The following HPCAL1 variants were observed in gnomAD, a reference collection of about 807,000 sequenced individuals.
The protein encoded by HPCAL1 is hippocalcin-like protein 1.
In HPCAL1, 8 loss-of-function variants were observed where a neutral mutation model predicts 17.1. The observed-to-expected ratio is 0.47, with a 90% confidence interval of 0.27 to 0.84. The LOEUF is 0.84. HPCAL1 is among the 40% of genes least tolerant of loss of function. HPCAL1 has a pLI of 0.13. For missense variants in HPCAL1, 165 were observed against 271.1 expected, an observed-to-expected ratio of 0.61 and a Z score of 2.75; for synonymous variants, 112 against 111.4, an observed-to-expected ratio of 1.01 and a Z score of -0.03.
At chr2:10,374,849 T>C (rs1667450186) in intron 1 of HPCAL1, among the ~76,000 whole-genome samples, 1 of 152,260 alleles carries the variant, frequency 6.6e-6, no homozygotes, top group Admixed American at 6.5e-5. Context: ...TGTTGCTGTG[T>C]CCTCCACCAG....
At chr2:10,380,416 G>C (rs1667863297) in intron 1 of HPCAL1, among the ~76,000 whole-genome samples, 1 of 152,084 alleles carries the variant, frequency 6.6e-6, no homozygotes, top group Non-Finnish European at 1.5e-5. Context: ...TGTTGAATTG[G>C]GATTTTTCCA....
intron 2 of HPCAL1, among the ~76,000 whole-genome samples, chr2:10,414,800 G>T (rs1028501084): frequency 1.3e-5 from 2 of 152,170 alleles, no homozygotes; most frequent in African/African-American, 4.8e-5. Flanking sequence ...CCTTTCAGCT[G>T]AAAGGAGTGA....
rs138230391 is a variant in HPCAL1, at chr2:10,405,483, C to T, written c.-25+8563C>T. Among the ~76,000 whole-genome samples, 523 of 152,370 alleles carry T rather than the reference C, an allele frequency of 3.4e-3. 2 individuals carry two copies. Among genetic ancestry groups the T allele is most frequent in the African/African-American group, 0.011 (472 of 41,596 alleles). On this transcript the variant is annotated intron_variant, in intron 2 of 4. Transcript: ENST00000307845. ...AGGCACTCGACAGCAGAGTTGGCCCCGTAGTCTCAGTTTTGCTCCCGCTAG... is the reference window on the plus strand; with the variant it reads ...AGGCACTCGACAGCAGAGTTGGCCCTGTAGTCTCAGTTTTGCTCCCGCTAG...
In HPCAL1 at chr2:10,367,388, G is replaced by T. The variant is rs1666917723; in HGVS notation, c.-110-29447G>T. On this transcript the variant is annotated intron_variant, in intron 1 of 4. Transcript: ENST00000307845. The surrounding 1 kb of genome is among the most constrained non-coding windows in gnomAD (Gnocchi z 4.4). ...TGCAACCTCAAACTCCCAGGCTCAAGTGATCCTCCCACCTCAGCATCCTGA... is the reference window on the plus strand; with the variant it reads ...TGCAACCTCAAACTCCCAGGCTCAATTGATCCTCCCACCTCAGCATCCTGA... Among the ~76,000 whole-genome samples the T allele has an allele frequency of 6.6e-6, 1 of 151,642 alleles. No homozygotes were observed. The highest frequency in any genetic ancestry group is 6.6e-5 in the Admixed American group (1 of 15,216).
rs1438528233 is a variant in HPCAL1, at chr2:10,420,073, A to G, written c.316A>G (p.Ser106Gly). Reference sequence around the variant, plus strand: ...GGAGCAGAAGCTCAAGTGGGCCTTCAGCATGTACGACCTGGACGGCAACGG... The same window carrying G: ...GGAGCAGAAGCTCAAGTGGGCCTTCGGCATGTACGACCTGGACGGCAACGG... The part of the protein sequence containing the change: ...KLEQKLKWAF[S>G]MYDLDGNGYI... The change falls in exon 3 of 5, where the codon AGC becomes GGC. Residue 106 changes from serine (S) to glycine (G), a missense_variant. Transcript: ENST00000307845. 6.2e-7 allele frequency: 1 copy of G among 1,613,804 alleles called. No individual in the cohort carries two copies. Among genetic ancestry groups the G allele is most frequent in the Non-Finnish European group, 8.5e-7 (1 of 1,180,020 alleles).
intron 4 of HPCAL1, 49 bp from the exon 5 acceptor site, chr2:10,426,673 CAT>C: frequency 7.0e-7 from 1 of 1,423,802 alleles, no homozygotes; most frequent in Non-Finnish European, 9.9e-7. Flanking sequence ...TCTCTGGAAG[CAT>C]AAAGAACAGT....
intron 1 of HPCAL1, among the ~76,000 whole-genome samples, chr2:10,393,582 A>G (rs1424937653): frequency 1.3e-5 from 2 of 152,224 alleles, no homozygotes; most frequent in Non-Finnish European, 2.9e-5. Context: ...GTGGTGGGAC[A>G]GAGGAAAGAT....
intron 1 of HPCAL1, among the ~76,000 whole-genome samples, chr2:10,366,576 A>C (rs1272859080): frequency 6.6e-6 from 1 of 152,150 alleles, no homozygotes; most frequent in Non-Finnish European, 1.5e-5. Flanking sequence ...CTCCCAGATG[A>C]GGTTCACAGA....
At position 10,359,936 on chromosome 2, in the gene HPCAL1, C is replaced by T. The variant is rs1232723071; in HGVS notation, c.-110-36899C>T. Among the ~76,000 whole-genome samples, 1 of 152,148 alleles carries T rather than the reference C, an allele frequency of 6.6e-6. No homozygotes were observed. Among genetic ancestry groups the T allele is most frequent in the African/African-American group, 2.4e-5 (1 of 41,432 alleles). On this transcript the variant is annotated intron_variant, in intron 1 of 4. Transcript: ENST00000307845. This position sits in a 1 kb window ranked among gnomAD's most constrained non-coding sequence, Gnocchi z 4.1. The stretch of plus-strand genomic sequence containing the variant: ...CAGCGCCCGCCGGGTCCACAGCGCC[C>T]GCCGGGTCCACAGCGCCCACCAGGT...
At chr2:10,378,094 G>A (rs555611213) in intron 1 of HPCAL1, among the ~76,000 whole-genome samples, 1 of 152,254 alleles carries the variant, frequency 6.6e-6, no homozygotes, top group Non-Finnish European at 1.5e-5. Context: ...CTGGGTTTAA[G>A]GTTCTTGATG....
chr2:10,420,189 T>G, intron 3 of HPCAL1, 54 bp downstream of exon 3: 24 of 806,396 alleles, frequency 3.0e-5, no homozygotes, highest in South Asian at 3.8e-5. Flanking sequence ...CCCTCCCAGC[T>G]CCCAGCCCCC....
chr2:10,341,023 A>G (rs899894563), intron 1 of HPCAL1, among the ~76,000 whole-genome samples: 2 of 152,232 alleles, frequency 1.3e-5, no homozygotes, highest in Non-Finnish European at 2.9e-5. Context: ...AATAAATTAC[A>G]TGTGATGGCC....
intron 1 of HPCAL1, among the ~76,000 whole-genome samples, chr2:10,390,248 C>G (rs955468354): frequency 6.6e-6 from 1 of 152,100 alleles, no homozygotes; most frequent in Non-Finnish European, 1.5e-5. Flanking sequence ...CCACCCTGTG[C>G]TCTGTGTCTG....
chr2:10,382,591 A>AT (rs1553353056), intron 1 of HPCAL1, among the ~76,000 whole-genome samples: 4 of 106,210 alleles, frequency 3.8e-5, no homozygotes, highest in African/African-American at 8.8e-5. Flanking sequence ...AAGTTCATTA[A>AT]TTAAAAAAAA....
intron 2 of HPCAL1, among the ~76,000 whole-genome samples, chr2:10,410,425 T>C (rs1670276006): frequency 7.9e-6 from 1 of 126,654 alleles, no homozygotes; most frequent in South Asian, 2.9e-4. Context: ...GTTCCTCTTT[T>C]TCTTCTTCTT....
chr2:10,335,032 AT>A (rs1664634311), intron 1 of HPCAL1, among the ~76,000 whole-genome samples: 1 of 151,954 alleles, frequency 6.6e-6, no homozygotes. Context: ...GGTCACTTCC[AT>A]TTTTTCATTA....
At chr2:10,398,778 A>G (rs1669231741) in intron 2 of HPCAL1, among the ~76,000 whole-genome samples, 1 of 152,020 alleles carries the variant, frequency 6.6e-6, no homozygotes, top group Admixed American at 6.6e-5. Context: ...TCTCCTTGCC[A>G]CAGTAGCTGC....
rs1254833259 is a variant in HPCAL1 at position 10,359,455 on chromosome 2, GC to G, written c.-110-37376del. Among the ~76,000 whole-genome samples the G allele has an allele frequency of 6.6e-6, 1 of 152,244 alleles. No homozygotes were observed. Among genetic ancestry groups the G allele is most frequent in the African/African-American group, 2.4e-5 (1 of 41,472 alleles). ...TGTTCCCAGAGGAAAGTCCCTGCAGGCCCCGGCCTCATGGCCTCTGTGACAG... is the reference window on the plus strand; with the variant it reads ...TGTTCCCAGAGGAAAGTCCCTGCAGGCCCGGCCTCATGGCCTCTGTGACAG... On this transcript the variant is annotated intron_variant, in intron 1 of 4. Coordinates refer to ENST00000307845, the MANE Select transcript of HPCAL1 (RefSeq NM_002149.4). The surrounding 1 kb of genome is among the most constrained non-coding windows in gnomAD (Gnocchi z 4.1).
chr2:10,335,121 C>T (rs1487929071), intron 1 of HPCAL1, among the ~76,000 whole-genome samples: 2 of 152,238 alleles, frequency 1.3e-5, no homozygotes, highest in African/African-American at 2.4e-5. Flanking sequence ...CCACTGGTCC[C>T]CACATCCTGG....
Sources: allele counts gnomAD v4.1 joint callset (sites outside exome capture counted in the v4.1 genomes callset), GRCh38; gene constraint gnomAD v4.1.1; non-coding constraint Gnocchi (gnomAD v3.1); transcripts MANE v1.5; gene names NCBI Gene and HGNC (gene_info 2026-07-23, HGNC 2026-07-21).